DNAH10: variants seen among roughly 807,000 people sequenced by gnomAD.
DNAH10 encodes the protein dynein axonemal heavy chain 10, also known as axonemal beta dynein heavy chain 10.
Under a neutral mutation model 506.6 loss-of-function variants are expected in DNAH10, and 348 were observed. That is an observed-to-expected ratio of 0.69 (90% confidence interval 0.63 to 0.75). DNAH10 has a LOEUF of 0.75. DNAH10 is among the 30% of genes least tolerant of loss of function. DNAH10 has a pLI of 0.00. For synonymous variants in DNAH10, 2,059 were observed against 2,198.6 expected (o/e 0.94, Z 1.78); for missense variants, 5,179 against 5,787.1 (o/e 0.89, Z 3.41).
At chr12:123,892,795 C>T (rs893103493) in intron 52 of DNAH10, among the ~76,000 whole-genome samples, 5 of 152,224 alleles carry the variant, frequency 3.3e-5, no homozygotes, top group Non-Finnish European at 7.3e-5. Context: ...GTGGGGCTCT[C>T]CTGGGCACTG....
At chr12:123,843,427 C>T (rs1024037705) in intron 30 of DNAH10, among the ~76,000 whole-genome samples, 6 of 152,126 alleles carry the variant, frequency 3.9e-5, no homozygotes, top group South Asian at 4.1e-4. Context: ...ATTTCGGTGT[C>T]GTCCTCTGGG....
chr12:123,891,468 A>T (rs2137164465), intron 52 of DNAH10, among the ~76,000 whole-genome samples: 1 of 152,220 alleles, frequency 6.6e-6, no homozygotes, highest in Middle Eastern at 3.4e-3. Context: ...TGGGGACGTC[A>T]ATTTCAGAGT....
At chr12:123,767,193 C>T (rs1593952927) in intron 1 of DNAH10, among the ~76,000 whole-genome samples, 1 of 152,192 alleles carries the variant, frequency 6.6e-6, no homozygotes, top group Non-Finnish European at 1.5e-5. Flanking sequence ...CAGGCATGAG[C>T]CACTGCGCCT....
intron 43 of DNAH10, among the ~76,000 whole-genome samples, chr12:123,869,228 C>T (rs1052360441): frequency 1.3e-5 from 2 of 152,198 alleles, no homozygotes; most frequent in Non-Finnish European, 2.9e-5. Flanking sequence ...GACACTGTGT[C>T]GCCCCAGTGT....
intron 50 of DNAH10, 102 bp downstream of exon 50, chr12:123,879,903 G>T (rs1952429880): frequency 2.2e-6 from 3 of 1,359,492 alleles, no homozygotes; most frequent in African/African-American, 1.4e-5. Flanking sequence ...ATCACCTGGG[G>T]CTCTGTCTGA....
chr12:123,841,866 TG>T (rs1950787326), intron 30 of DNAH10, among the ~76,000 whole-genome samples: 1 of 152,138 alleles, frequency 6.6e-6, no homozygotes, highest in African/African-American at 2.4e-5. Context: ...TGTACTTTTT[TG>T]TAGAGAGGGA....
chr12:123,872,045 T>C (rs1237046496), intron 45 of DNAH10, among the ~76,000 whole-genome samples: 1 of 152,132 alleles, frequency 6.6e-6, no homozygotes, highest in African/African-American at 2.4e-5. Flanking sequence ...CTGTACACCC[T>C]GATATAGTGT....
chr12:123,897,680 A>G, intron 54 of DNAH10, 90 bp from the exon 55 acceptor site: 1 of 1,372,848 alleles, frequency 7.3e-7, no homozygotes, highest in Non-Finnish European at 9.9e-7. Flanking sequence ...AGCCATGATC[A>G]CGCCACTGCA....
intron 6 of DNAH10, 56 bp from the exon 7 acceptor site, chr12:123,783,051 T>A: frequency 1.3e-6 from 2 of 1,575,562 alleles, no homozygotes; most frequent in Non-Finnish European, 1.7e-6. Flanking sequence ...TGAATGTTTC[T>A]CTTTGTAATC....
chr12:123,874,902 C>T (rs1044272650), intron 46 of DNAH10, among the ~76,000 whole-genome samples: 2 of 152,084 alleles, frequency 1.3e-5, no homozygotes, highest in African/African-American at 4.8e-5. Flanking sequence ...TTTGTCCATT[C>T]GTCCATCTGT....
intron 19 of DNAH10, among the ~76,000 whole-genome samples, chr12:123,811,964 T>A (rs73219077): frequency 0.019 from 2,890 of 152,202 alleles, 55 homozygotes; most frequent in Middle Eastern, 0.051. Flanking sequence ...TTATTAGTAA[T>A]ATTGGAAGCA....
In DNAH10 at chr12:123,929,270, T is replaced by C; in HGVS notation, c.12307-5T>C. ...CATCACTGTGTGTTTTCTTCTCTTC[T>C]GAAGGTTGTCACCGAGCCACCCAAT... On this transcript the variant is annotated splice_region_variant and splice_polypyrimidine_tract_variant and intron_variant, in intron 70 of 78. Coordinates refer to ENST00000673944, the MANE Select transcript of DNAH10 (RefSeq NM_001372106.1). The C allele has an allele frequency of 6.3e-7, 1 of 1,581,938 alleles. No individual in the cohort carries two copies.
Position 123,797,518 on chromosome 12 carries a change from G to A in DNAH10, c.2163+686G>A, listed in dbSNP as rs995294363. ...AGCGATCCTCCTGCCTCAGCCTCCC[G>A]AGTAGCGGGGCCTACAGGTGTGGGC... On this transcript the variant is annotated intron_variant, in intron 13 of 78. Coordinates refer to ENST00000673944, the MANE Select transcript of DNAH10 (RefSeq NM_001372106.1). Among the ~76,000 whole-genome samples, 5 of 151,842 alleles carry A rather than the reference G, an allele frequency of 3.3e-5. No individual in the cohort carries two copies. In the East Asian group the frequency reaches 7.8e-4, roughly 24 times the overall value.
chr12:123,826,918 C>G lies in DNAH10; in HGVS notation c.4391+20C>G. 1 of 1,593,318 alleles carries G rather than the reference C, an allele frequency of 6.3e-7. No individual in the cohort carries two copies. Among genetic ancestry groups the G allele is most frequent in the Non-Finnish European group, 8.6e-7 (1 of 1,167,702 alleles). On this transcript the variant is annotated intron_variant, in intron 25 of 78. Coordinates refer to ENST00000673944, the MANE Select transcript of DNAH10 (RefSeq NM_001372106.1). Reference sequence around the variant, plus strand: ...AGACAGGTTTGTTTTGTCCTCTGTCCGCAGATGTAAAAGTGTGGGAGGAGC... The same window carrying G: ...AGACAGGTTTGTTTTGTCCTCTGTCGGCAGATGTAAAAGTGTGGGAGGAGC...
intron 12 of DNAH10, among the ~76,000 whole-genome samples, chr12:123,795,511 G>A (rs1419951234): frequency 6.6e-6 from 1 of 152,072 alleles, no homozygotes; most frequent in Non-Finnish European, 1.5e-5. Context: ...GCCAGTGGTG[G>A]CCACTTTCAC....
At chr12:123,823,744 T>C (rs1158208681) in intron 24 of DNAH10, among the ~76,000 whole-genome samples, 2 of 152,124 alleles carry the variant, frequency 1.3e-5, no homozygotes, top group Non-Finnish European at 2.9e-5. Context: ...TTTTATCCTT[T>C]GTGTTACAAA....
chr12:123,886,176 G>T (rs901836509), intron 51 of DNAH10, among the ~76,000 whole-genome samples: 9 of 152,068 alleles, frequency 5.9e-5, no homozygotes, highest in Admixed American at 3.9e-4. Flanking sequence ...TTTTTCTGTT[G>T]ATTTGTCCAG....
At chr12:123,859,123 G>A (rs1276256900) in intron 37 of DNAH10, 27 bp from the exon 38 acceptor site, 3 of 1,578,860 alleles carry the variant, frequency 1.9e-6, no homozygotes, top group South Asian at 1.2e-5. Context: ...TAATGTTTTA[G>A]CCCAGCTGCC....
chr12:123,847,863 T>G lies in DNAH10; in HGVS notation c.5815-98T>G, dbSNP rs1321267660. On this transcript the variant is annotated intron_variant, in intron 32 of 78. Coordinates refer to ENST00000673944, the MANE Select transcript of DNAH10 (RefSeq NM_001372106.1). The stretch of plus-strand genomic sequence containing the variant: ...ATGAAAGCAAACACCACATTCTTTC[T>G]CTATTCTGCACCTATAGTCACAGTG... 2.8e-6 allele frequency: 4 copies of G among 1,444,224 alleles called. No homozygotes were observed. The Admixed American group carries it at 9.3e-5, about 34-fold the overall frequency. 89.5% of individuals were successfully genotyped at this position (1,444,224 alleles called of 1,614,324 possible).
Sources: gnomAD v4.1 joint callset for allele counts (sites outside exome capture counted in the v4.1 genomes callset) on GRCh38, gnomAD v4.1.1 for gene constraint, MANE v1.5 for transcripts, NCBI Gene and HGNC (gene_info 2026-07-23, HGNC 2026-07-21) for gene names.